The following STARD6 variants were observed in gnomAD, a reference collection of about 807,000 sequenced individuals.
STARD6 encodes the protein StAR related lipid transfer domain containing 6, also known as stAR-related lipid transfer protein 6.
A neutral mutation model predicts 22.3 loss-of-function variants in STARD6; 21 were observed. The observed-to-expected ratio is 0.94, with a 90% CI of 0.67 to 1.35. The LOEUF (loss-of-function observed/expected upper bound fraction) is 1.35, where lower values mean the gene tolerates loss of function less well. Ranked by LOEUF, STARD6 falls within the 40% of genes most tolerant of loss-of-function variation. The probability of loss-of-function intolerance (pLI) is 0.00; values close to 1 mark genes in which losing one functional copy is unlikely to be tolerated. For synonymous variants in STARD6, 80 were observed against 88.1 expected, an observed-to-expected ratio of 0.91 and a Z score of 0.52; for missense variants, 269 against 266.9, an observed-to-expected ratio of 1.01 and a Z score of -0.05.
At chr18:54,352,220 T>C (rs756207854) in intron 4 of STARD6, among the ~76,000 whole-genome samples, 5 of 152,290 alleles carry the variant, frequency 3.3e-5, no homozygotes, top group Non-Finnish European at 7.4e-5. Context: ...CTAGATTTTC[T>C]AGCTTGTGCA....
At chr18:54,336,026 A>AT (rs528659515) in intron 5 of STARD6, among the ~76,000 whole-genome samples, 101 of 151,916 alleles carry the variant, frequency 6.6e-4, no homozygotes, top group African/African-American at 2.3e-3. Flanking sequence ...CATTTCATTC[A>AT]TTTTTTCTCC....
At chr18:54,331,909 C>A in intron 5 of STARD6, 50 bp from the exon 6 acceptor site, 1 of 1,306,154 alleles carries the variant, frequency 7.7e-7, no homozygotes, top group South Asian at 1.3e-5. Context: ...AATATCTATT[C>A]TTTGTATTGT....
Position 54,351,899 on chromosome 18 carries a change from G to GTTTT in STARD6, c.140+2151_140+2154dup, listed in dbSNP as rs60888927. ...TTGTGTTAATCAGGGATATTGGTCC[G>GTTTT]TTTTTTTTTTTTTTTTTTTTTTAAT... On this transcript the variant is annotated intron_variant, in intron 4 of 7. Coordinates refer to ENST00000307844, the MANE Select transcript of STARD6 (RefSeq NM_139171.2). Among the ~76,000 whole-genome samples, 356 of 70,584 alleles carry GTTTT rather than the reference G, an allele frequency of 5.0e-3. 14 individuals carry two copies. Among genetic ancestry groups the GTTTT allele is most frequent in the African/African-American group, 0.026 (332 of 12,822 alleles). 46.3% of individuals were successfully genotyped at this position (70,584 alleles called of 152,430 possible). A position where few individuals can be genotyped will look rare whatever the true frequency, so the allele number is the denominator to read the frequency against.
At chr18:54,327,983 C>T (rs759258902) in intron 7 of STARD6, among the ~76,000 whole-genome samples, 9 of 152,026 alleles carry the variant, frequency 5.9e-5, no homozygotes, top group Non-Finnish European at 1.3e-4. Context: ...AATCTTACAC[C>T]GTCCTGCTCT....
At chr18:54,332,872 T>C (rs2088876457) in intron 5 of STARD6, among the ~76,000 whole-genome samples, 1 of 152,084 alleles carries the variant, frequency 6.6e-6, no homozygotes, top group Admixed American at 6.6e-5. Context: ...AACACTGCAC[T>C]CTAGCCTGGG....
chr18:54,340,400 C>A (rs2088959316), intron 4 of STARD6, among the ~76,000 whole-genome samples: 2 of 151,558 alleles, frequency 1.3e-5, no homozygotes, highest in Non-Finnish European at 1.5e-5. Flanking sequence ...AGAAAATAAC[C>A]AAAAAATGTA....
At chr18:54,330,973 A>G (rs1357088912) in intron 6 of STARD6, among the ~76,000 whole-genome samples, 1 of 152,120 alleles carries the variant, frequency 6.6e-6, no homozygotes, top group Non-Finnish European at 1.5e-5. Context: ...AATGAGTGCT[A>G]TGACTTAGTC....
At chr18:54,356,242 TTC>T (rs1403330840) in intron 2 of STARD6, 117 bp downstream of exon 2, 2 of 152,232 alleles carry the variant, frequency 1.3e-5, no homozygotes, top group Non-Finnish European at 2.9e-5. Flanking sequence ...TAAATCTATT[TTC>T]TCTTATTTAA....
chr18:54,337,149 A>T lies in STARD6; in HGVS notation c.243T>A (p.Tyr81Ter). 1.9e-6 allele frequency: 3 copies of T among 1,613,086 alleles called. No individual in the cohort carries two copies. Among genetic ancestry groups the T allele is most frequent in the Non-Finnish European group, 2.5e-6 (3 of 1,179,440 alleles). The stretch of plus-strand genomic sequence containing the variant: ...CCGAATCAATCCTGTGTACCATATT[A>T]TACACTTGCAATGATTTATCCCATG... ...RITWDKSLQV[Y>*]NMVHRIDSDT... The change falls in exon 5 of 8, where the codon TAT becomes TAA. Residue 81 changes from tyrosine (Y) to a stop codon, truncating the protein, a stop_gained. Coordinates refer to ENST00000307844, the MANE Select transcript of STARD6 (RefSeq NM_139171.2). LOFTEE classifies it high-confidence loss of function.
Position 54,324,779 on chromosome 18 carries a change from TA to T in STARD6, c.575del (p.Leu192Ter). The T allele has an allele frequency of 6.2e-7, 1 of 1,610,956 alleles. No homozygotes were observed. The highest frequency in any genetic ancestry group is 8.5e-7 in the Non-Finnish European group (1 of 1,178,840). On this transcript the variant is annotated frameshift_variant, in exon 8 of 8. Transcript: ENST00000307844. LOFTEE classifies it low-confidence loss of function (END_TRUNC). ...SIIEKTMPSN[L>X]VNFILNAKDG... ...CTTTTGCATTGAGGATGAAGTTTAC[TA>T]AGTTGGAAGGCATGGTTTTTTCAAT...
At chr18:54,345,658 C>T (rs1195712356) in intron 4 of STARD6, among the ~76,000 whole-genome samples, 1 of 152,130 alleles carries the variant, frequency 6.6e-6, no homozygotes, top group Admixed American at 6.5e-5. Context: ...AGTTGTAAGA[C>T]TCACACTTCT....
chr18:54,326,119 G>A (rs2088822468), intron 7 of STARD6, among the ~76,000 whole-genome samples: 1 of 151,936 alleles, frequency 6.6e-6, no homozygotes, highest in Non-Finnish European at 1.5e-5. Flanking sequence ...GTTCAAAATC[G>A]CCCTTCTCTT....
chr18:54,337,450 A>G (rs2088926323), intron 4 of STARD6, among the ~76,000 whole-genome samples, 199 bp from the exon 5 acceptor site: 1 of 152,352 alleles, frequency 6.6e-6, no homozygotes, highest in East Asian at 1.9e-4. Flanking sequence ...CAATAAATAC[A>G]TTATTTCAAA....
At chr18:54,329,003 A>G (rs1416579972) in intron 7 of STARD6, among the ~76,000 whole-genome samples, 2 of 152,132 alleles carry the variant, frequency 1.3e-5, no homozygotes, top group Non-Finnish European at 1.5e-5. Context: ...TAATTCTAGG[A>G]AAGTTTATTT....
intron 4 of STARD6, among the ~76,000 whole-genome samples, chr18:54,349,628 A>C (rs770907413): frequency 1.3e-5 from 2 of 152,086 alleles, no homozygotes; most frequent in Non-Finnish European, 2.9e-5. Context: ...ACTGTACCCA[A>C]TGTGTAGTCT....
At chr18:54,325,967 T>A (rs2088821431) in intron 7 of STARD6, among the ~76,000 whole-genome samples, 1 of 152,238 alleles carries the variant, frequency 6.6e-6, no homozygotes, top group African/African-American at 2.4e-5. Context: ...AGCCCATTGA[T>A]CTTCACACTG....
chr18:54,325,158 C>A (rs2088813767), intron 7 of STARD6, among the ~76,000 whole-genome samples: 1 of 151,954 alleles, frequency 6.6e-6, no homozygotes, highest in South Asian at 2.1e-4. Context: ...AATTTTCCCT[C>A]CCTCATTTCC....
intron 4 of STARD6, among the ~76,000 whole-genome samples, chr18:54,353,465 T>C (rs2074082502): frequency 6.6e-6 from 1 of 152,158 alleles, no homozygotes; most frequent in African/African-American, 2.4e-5. Context: ...GCTCAGGAGT[T>C]TGAGACTGGC....
At chr18:54,336,302 C>A (rs980376753) in intron 5 of STARD6, among the ~76,000 whole-genome samples, 1 of 152,194 alleles carries the variant, frequency 6.6e-6, no homozygotes, top group Non-Finnish European at 1.5e-5. Flanking sequence ...CCACCCAAAT[C>A]CCACCTTGAA....
Sources: allele counts gnomAD v4.1 joint callset (sites outside exome capture counted in the v4.1 genomes callset), GRCh38; gene constraint gnomAD v4.1.1; transcripts MANE v1.5; gene names NCBI Gene and HGNC (gene_info 2026-07-23, HGNC 2026-07-21).